The following FILIP1L variants were observed in gnomAD, a reference collection of about 807,000 sequenced individuals.
FILIP1L encodes the protein filamin A interacting protein 1 like.
A neutral mutation model predicts 96.6 loss-of-function variants in FILIP1L; 55 were observed. The observed-to-expected ratio is 0.57, with a 90% CI of 0.46 to 0.71. FILIP1L has a LOEUF of 0.71. FILIP1L is among the 30% of genes least tolerant of loss of function. The pLI is 0.00. For synonymous variants in FILIP1L, 467 were observed against 473.9 expected, an observed-to-expected ratio of 0.99 and a Z score of 0.19; for missense variants, 1,304 against 1,321.2, an observed-to-expected ratio of 0.99 and a Z score of 0.20.
At chr3:100,007,998 G>A (rs1306736807) in intron 1 of FILIP1L, among the ~76,000 whole-genome samples, 1 of 152,124 alleles carries the variant, frequency 6.6e-6, no homozygotes, top group Non-Finnish European at 1.5e-5. Flanking sequence ...ATAGGTTATG[G>A]TTGTTTTCCC....
chr3:100,014,806 G>C (rs1710271837), intron 1 of FILIP1L, among the ~76,000 whole-genome samples: 1 of 93,814 alleles, frequency 1.1e-5, no homozygotes, highest in South Asian at 4.1e-4. Flanking sequence ...TCATTCTATT[G>C]ATTTTTTTTT....
chr3:99,962,432 A>C (rs180686813), intron 1 of FILIP1L, among the ~76,000 whole-genome samples: 1 of 152,280 alleles, frequency 6.6e-6, no homozygotes, highest in Non-Finnish European at 1.5e-5. Flanking sequence ...AATATTTTGT[A>C]TATTATCTTT....
At chr3:99,927,369 T>G (rs1559691114) in intron 3 of FILIP1L, among the ~76,000 whole-genome samples, 1 of 151,634 alleles carries the variant, frequency 6.6e-6, no homozygotes, top group Non-Finnish European at 1.5e-5. Context: ...ATATTTTCTT[T>G]CTGTTTTTTT....
chr3:100,107,249 T>C (rs917774876), intron 1 of FILIP1L, among the ~76,000 whole-genome samples: 2 of 152,152 alleles, frequency 1.3e-5, no homozygotes, highest in Admixed American at 6.6e-5. Flanking sequence ...GATGGGAATA[T>C]AATAATAGAA....
chr3:99,976,020 G>A (rs1321486074), intron 1 of FILIP1L, among the ~76,000 whole-genome samples: 1 of 152,094 alleles, frequency 6.6e-6, no homozygotes, highest in East Asian at 1.9e-4. Context: ...AAGTAGCTGG[G>A]ACTACAGGCA....
At chr3:99,845,956 G>A (rs867597370) in intron 5 of FILIP1L, among the ~76,000 whole-genome samples, 2 of 152,132 alleles carry the variant, frequency 1.3e-5, no homozygotes, top group Non-Finnish European at 2.9e-5. Flanking sequence ...TTAAAATCTG[G>A]AACAAATGAT....
chr3:100,040,809 T>C (rs1216526183), intron 1 of FILIP1L: 1 of 152,186 alleles, frequency 6.6e-6, no homozygotes, highest in African/African-American at 2.4e-5. Flanking sequence ...TTTTCTCAGG[T>C]TGTAGGATCA....
chr3:99,982,611 T>C (rs1052842719), intron 1 of FILIP1L, among the ~76,000 whole-genome samples: 1 of 152,322 alleles, frequency 6.6e-6, no homozygotes, highest in East Asian at 1.9e-4. Flanking sequence ...CCCAAAGTGC[T>C]GGGATTACAG....
At chr3:99,967,956 A>G (rs886997948) in intron 1 of FILIP1L, among the ~76,000 whole-genome samples, 6 of 152,244 alleles carry the variant, frequency 3.9e-5, no homozygotes, top group African/African-American at 1.4e-4. Context: ...AAAGCATCAC[A>G]GTACTTCAGC....
chr3:99,987,303 T>C (rs896603630), intron 1 of FILIP1L, among the ~76,000 whole-genome samples: 2 of 149,572 alleles, frequency 1.3e-5, no homozygotes, highest in Non-Finnish European at 3.0e-5. Flanking sequence ...CTGAAGTGGG[T>C]GGATCATTTG....
intron 1 of FILIP1L, among the ~76,000 whole-genome samples, chr3:99,956,269 A>G (rs1708316686): frequency 6.6e-6 from 1 of 151,652 alleles, no homozygotes; most frequent in Non-Finnish European, 1.5e-5. Flanking sequence ...TGCCCCCAAC[A>G]CCTCTTCACA....
chr3:99,986,183 A>G (rs946502831), intron 1 of FILIP1L, among the ~76,000 whole-genome samples: 2 of 152,252 alleles, frequency 1.3e-5, no homozygotes, highest in Non-Finnish European at 2.9e-5. Context: ...AAATATGTTC[A>G]AATTATAAGA....
chr3:99,985,840 C>T lies in FILIP1L; in HGVS notation c.-10-54810G>A, dbSNP rs991510353. 3.3e-5 allele frequency among the ~76,000 whole-genome samples: 5 copies of T among 152,146 alleles called. No homozygotes were observed. The South Asian group carries it at 8.3e-4, about 25-fold the overall frequency. On this transcript the variant is annotated intron_variant, in intron 1 of 5. Transcript: ENST00000477258. ...CTGACCTCAGGTGATCCACCCACCT[C>T]GGCCTCCCAAAGTACTGGGATTACA...
intron 1 of FILIP1L, among the ~76,000 whole-genome samples, chr3:99,979,024 C>T (rs1709047379): frequency 6.6e-6 from 1 of 152,060 alleles, no homozygotes; most frequent in Admixed American, 6.6e-5. Flanking sequence ...GTGTCTGTGG[C>T]ACTGTAGGGC....
intron 3 of FILIP1L, among the ~76,000 whole-genome samples, chr3:99,928,437 T>C (rs909081708): frequency 2.0e-5 from 3 of 152,100 alleles, no homozygotes; most frequent in Admixed American, 6.6e-5. Context: ...TGTATGTATA[T>C]AGGGGTATCT....
chr3:99,831,463 A>G (rs1473223855), intron 5 of FILIP1L, among the ~76,000 whole-genome samples: 1 of 152,204 alleles, frequency 6.6e-6, no homozygotes, highest in Non-Finnish European at 1.5e-5. Context: ...GGAACACTAA[A>G]TTGTTTTAAA....
At chr3:100,070,547 G>A (rs1368436433) in intron 1 of FILIP1L, among the ~76,000 whole-genome samples, 1 of 152,130 alleles carries the variant, frequency 6.6e-6, no homozygotes, top group African/African-American at 2.4e-5. Flanking sequence ...GTGGATGTAT[G>A]GGGTTGTAAT....
chr3:99,928,490 C>A (rs570236938), intron 3 of FILIP1L, among the ~76,000 whole-genome samples: 1 of 152,110 alleles, frequency 6.6e-6, no homozygotes, highest in South Asian at 2.1e-4. Flanking sequence ...TAAAGTAGGG[C>A]CAGATTATGG....
chr3:99,919,381 A>G (rs1048920178), intron 4 of FILIP1L, among the ~76,000 whole-genome samples: 10 of 149,932 alleles, frequency 6.7e-5, no homozygotes, highest in African/African-American at 2.2e-4. Flanking sequence ...TCAGGATTGT[A>G]TAGGTGAGGA....
Sources: allele counts gnomAD v4.1 joint callset (sites outside exome capture counted in the v4.1 genomes callset), GRCh38; gene constraint gnomAD v4.1.1; transcripts MANE v1.5; gene names NCBI Gene and HGNC (gene_info 2026-07-23, HGNC 2026-07-21).